Variants in SPNS3 observed in about 807,000 individuals in gnomAD.
SPNS3 encodes SPNS lysolipid transporter 3, sphingosine-1-phosphate (putative).
A neutral mutation model predicts 54.4 loss-of-function variants in SPNS3; 51 were observed. The ratio of observed to expected loss-of-function variants is 0.94; its 90% CI spans 0.75 to 1.18. The LOEUF is 1.18. Ranked by LOEUF, SPNS3 falls within the 50% of genes most tolerant of loss-of-function variation. The probability of loss-of-function intolerance (pLI) is 0.00; values close to 1 mark genes in which losing one functional copy is unlikely to be tolerated. For synonymous variants in SPNS3, 309 were observed against 294.7 expected (o/e 1.05, Z -0.50); for missense variants, 669 against 677.4 (o/e 0.99, Z 0.14).
intron 4 of SPNS3, 94 bp from the exon 5 acceptor site, chr17:4,446,802 G>A: frequency 8.3e-7 from 1 of 1,199,084 alleles, no homozygotes; most frequent in Non-Finnish European, 1.2e-6. Flanking sequence ...AGCTCCCTGG[G>A]GCGTGGGGGG....
chr17:4,446,457 G>A (rs974731424), intron 4 of SPNS3: 4 of 496,630 alleles, frequency 8.1e-6, no homozygotes, highest in African/African-American at 1.9e-5. Flanking sequence ...TCACACACTC[G>A]GCAGTGTGGC....
intron 9 of SPNS3, among the ~76,000 whole-genome samples, chr17:4,481,392 C>G (rs59541672): frequency 5.6e-4 from 85 of 152,092 alleles, no homozygotes; most frequent in African/African-American, 1.6e-3. Context: ...GACAGGAGAT[C>G]GGCTTCTCTT....
Position 4,448,288 on chromosome 17 carries a change from G to T in SPNS3, c.755G>T (p.Arg252Ile), listed in dbSNP as rs1971055686. The part of the protein sequence containing the change: ...GFRSSWCEDV[R>I]YLGKNWSFVW... ...AGGAGCAGCTGGTGTGAGGACGTCAGATACCTGGGGAAAAAGTGAGTATCC... is the reference window on the plus strand; with the variant it reads ...AGGAGCAGCTGGTGTGAGGACGTCATATACCTGGGGAAAAAGTGAGTATCC... Residue 252 changes from arginine to isoleucine, a missense_variant, in exon 6 of 12, where the codon AGA becomes ATA. Arg to Ile is a moderately conservative substitution (Grantham distance 97). Coordinates refer to ENST00000355530, the MANE Select transcript of SPNS3 (RefSeq NM_182538.5). 2 of 1,567,900 alleles carry T rather than the reference G, an allele frequency of 1.3e-6. No individual in the cohort carries two copies. The highest frequency in any genetic ancestry group is 4.0e-5 in the Admixed American group (2 of 49,608).
chr17:4,471,658 G>A (rs536613877), intron 8 of SPNS3, among the ~76,000 whole-genome samples: 1 of 151,724 alleles, frequency 6.6e-6, no homozygotes, highest in Non-Finnish European at 1.5e-5. Flanking sequence ...TAAAGGCAGG[G>A]TTTCACCATG....
chr17:4,476,891 C>T (rs1425203340), intron 8 of SPNS3, among the ~76,000 whole-genome samples: 4 of 152,218 alleles, frequency 2.6e-5, no homozygotes, highest in East Asian at 1.9e-4. Flanking sequence ...GTTCCTGTCC[C>T]GCCCGGCATG....
At chr17:4,462,717 C>T (rs1597326601) in intron 8 of SPNS3, among the ~76,000 whole-genome samples, 1 of 112,936 alleles carries the variant, frequency 8.9e-6, no homozygotes, top group Non-Finnish European at 1.9e-5. Context: ...ATCCATCCAT[C>T]CACCCACCCA....
intron 7 of SPNS3, among the ~76,000 whole-genome samples, chr17:4,451,661 A>ATTTGT (rs149329433): frequency 0.019 from 2,926 of 150,610 alleles, 96 homozygotes; most frequent in African/African-American, 0.067. Flanking sequence ...GAGCTCCTTT[A>ATTTGT]TTTGTTTTGT....
chr17:4,479,230 C>T (rs1364363909), intron 9 of SPNS3, among the ~76,000 whole-genome samples: 2 of 152,232 alleles, frequency 1.3e-5, no homozygotes, highest in South Asian at 4.1e-4. Flanking sequence ...CGTGAGCCAC[C>T]GTGCCTGGCC....
chr17:4,464,928 G>A (rs1482003516), intron 8 of SPNS3, among the ~76,000 whole-genome samples: 2 of 152,100 alleles, frequency 1.3e-5, no homozygotes, highest in East Asian at 1.9e-4. Context: ...TGATCCACCC[G>A]CCTCGGCCTC....
In SPNS3 at chr17:4,487,961, T is replaced by G; in HGVS notation, c.*67T>G. On this transcript the variant is annotated 3_prime_UTR_variant, in exon 12 of 12. Transcript: ENST00000355530. Reference sequence around the variant, plus strand: ...GTCCCCACAGCAGCAGTGCCTCGGTTCCTCTTTGGCTGTCCTCGGGGACTC... The same window carrying G: ...GTCCCCACAGCAGCAGTGCCTCGGTGCCTCTTTGGCTGTCCTCGGGGACTC... 1 of 1,441,708 alleles carries G rather than the reference T, an allele frequency of 6.9e-7. No individual in the cohort carries two copies. Among genetic ancestry groups the G allele is most frequent in the Non-Finnish European group, 9.7e-7 (1 of 1,027,110 alleles). The allele number at this position is 1,441,708 out of a possible 1,614,324, so 89.3% of individuals were successfully genotyped here. A position where few individuals can be genotyped will look rare whatever the true frequency, so the allele number is the denominator to read the frequency against.
intron 2 of SPNS3, 173 bp from the exon 3 acceptor site, chr17:4,444,859 A>G (rs191360026): frequency 1.3e-6 from 1 of 769,112 alleles, no homozygotes; most frequent in Admixed American, 2.4e-5. Flanking sequence ...CTGCGGCTGC[A>G]TGTTGGCCAC....
At chr17:4,487,244 G>C (rs1292664993) in intron 11 of SPNS3, among the ~76,000 whole-genome samples, 1 of 151,524 alleles carries the variant, frequency 6.6e-6, no homozygotes, top group Non-Finnish European at 1.5e-5. Context: ...CGAAACTAGA[G>C]CAAAGATCTG....
At chr17:4,461,654 T>G (rs1597325140) in intron 8 of SPNS3, among the ~76,000 whole-genome samples, 1 of 152,078 alleles carries the variant, frequency 6.6e-6, no homozygotes, top group Non-Finnish European at 1.5e-5. Flanking sequence ...TGAGAGGCAG[T>G]TGGATTACAT....
chr17:4,452,010 G>T (rs570243771), intron 7 of SPNS3, among the ~76,000 whole-genome samples: 19 of 152,186 alleles, frequency 1.2e-4, no homozygotes, highest in African/African-American at 3.9e-4. Context: ...GGGGCTGGAG[G>T]TTGCACAATG....
At chr17:4,434,568 C>T (rs1207233985) in intron 1 of SPNS3, among the ~76,000 whole-genome samples, 1 of 152,024 alleles carries the variant, frequency 6.6e-6, no homozygotes, top group East Asian at 1.9e-4. Flanking sequence ...GCAATCTCAG[C>T]TCACTGCAAC....
chr17:4,437,432 C>T (rs780298343), intron 1 of SPNS3, among the ~76,000 whole-genome samples: 2 of 152,078 alleles, frequency 1.3e-5, no homozygotes, highest in Non-Finnish European at 1.5e-5. Flanking sequence ...TTTGAGAGGC[C>T]GAGGCAGGTG....
chr17:4,458,622 T>TTTCTTTCTTTCTTTCCTTCC, intron 8 of SPNS3, among the ~76,000 whole-genome samples: 1 of 89,430 alleles, frequency 1.1e-5, no homozygotes, highest in Non-Finnish European at 2.6e-5. Flanking sequence ...TCTTTCTTTC[T>TTTCTTTCTTTCTTTCCTTCC]TTCTTTCTTT....
rs200429213 is a variant in SPNS3, at chr17:4,445,214, C to A, written c.402+46C>A. 10 of 1,560,190 alleles carry A rather than the reference C, an allele frequency of 6.4e-6. No individual in the cohort carries two copies. The African/African-American group carries it at 8.2e-5, about 13-fold the overall frequency. ...CCAGGCCCCTGAGGCCCCTTCCCCA[C>A]CTGCTTCCTCCCTGATTCAGCCCCG... On this transcript the variant is annotated intron_variant, in intron 3 of 11. Transcript: ENST00000355530.
intron 8 of SPNS3, among the ~76,000 whole-genome samples, chr17:4,455,400 G>A (rs1022949913): frequency 5.3e-5 from 8 of 152,354 alleles, no homozygotes; most frequent in African/African-American, 1.9e-4. Context: ...AGTATTGCCT[G>A]TGTCCGGAGC....
Sources: gnomAD v4.1 joint callset for allele counts (sites outside exome capture counted in the v4.1 genomes callset) on GRCh38, gnomAD v4.1.1 for gene constraint, MANE v1.5 for transcripts, NCBI Gene and HGNC (gene_info 2026-07-23, HGNC 2026-07-21) for gene names.